Variants in DLGAP1 observed in about 807,000 individuals in gnomAD.
The protein encoded by DLGAP1 is disks large-associated protein 1.
Under a neutral mutation model 90.8 loss-of-function variants are expected in DLGAP1, and 11 were observed. The ratio of observed to expected loss-of-function variants is 0.12; its 90% CI spans 0.08 to 0.20. The LOEUF is 0.20. Ranked by LOEUF, DLGAP1 falls within the 10% of genes least tolerant of loss-of-function variation. The probability of loss-of-function intolerance (pLI) is 1.00; values close to 1 mark genes in which losing one functional copy is unlikely to be tolerated. For missense variants in DLGAP1, 1,050 were observed against 1,333.8 expected (o/e 0.79, Z 3.31); for synonymous variants, 558 against 540.7 (o/e 1.03, Z -0.44).
rs527766502 is a variant in DLGAP1, at chr18:4,239,606, C to T, written c.-266-88319G>A. Among the ~76,000 whole-genome samples, 163 of 152,250 alleles carry T rather than the reference C, an allele frequency of 1.1e-3. 1 individual carries two copies. In the Middle Eastern group the frequency reaches 0.02, roughly 19 times the overall value. ...GTCTCACATTATAAAAATTAGCCCACATTCATGTGATATTCAGGGTAAGTG... is the reference window on the plus strand; with the variant it reads ...GTCTCACATTATAAAAATTAGCCCATATTCATGTGATATTCAGGGTAAGTG... On this transcript the variant is annotated intron_variant, in intron 1 of 12. Transcript: ENST00000315677.
At chr18:4,393,983 G>A (rs942820729) in intron 1 of DLGAP1, among the ~76,000 whole-genome samples, 12 of 152,168 alleles carry the variant, frequency 7.9e-5, no homozygotes, top group African/African-American at 2.9e-4. Flanking sequence ...TTCCTGCTGT[G>A]CGGCCAGGTT....
chr18:4,381,973 A>C (rs541219867), intron 1 of DLGAP1, among the ~76,000 whole-genome samples: 8 of 152,246 alleles, frequency 5.3e-5, no homozygotes, highest in Non-Finnish European at 1.5e-5. Context: ...AAGTGAAAGG[A>C]GAAACTTCTT....
Position 3,499,478 on chromosome 18 carries a change from A to C in DLGAP1, c.2725-84T>G, listed in dbSNP as rs2049814822. 7.0e-7 allele frequency: 1 copy of C among 1,430,358 alleles called. No homozygotes were observed. The highest frequency in any genetic ancestry group is 9.5e-7 in the Non-Finnish European group (1 of 1,055,398). The allele number at this position is 1,430,358 out of a possible 1,614,324, so 88.6% of individuals were successfully genotyped here. On this transcript the variant is annotated intron_variant, in intron 12 of 12. Coordinates refer to ENST00000315677, the MANE Select transcript of DLGAP1 (RefSeq NM_004746.4). The surrounding 1 kb of genome is among the most constrained non-coding windows in gnomAD (Gnocchi z 6.4). ...ACTGGGATAGGTCAGTAGTTAGAAC[A>C]CACAGTTTTTTACCTAGGGGTGGTT...
intron 5 of DLGAP1, among the ~76,000 whole-genome samples, chr18:3,799,446 T>C (rs1444652772): frequency 2.0e-5 from 3 of 151,996 alleles, no homozygotes; most frequent in Non-Finnish European, 4.4e-5. Context: ...TCCAGTGGTA[T>C]TGAGGGTGAC....
chr18:3,546,755 T>C (rs1376638606), intron 9 of DLGAP1, among the ~76,000 whole-genome samples: 1 of 152,000 alleles, frequency 6.6e-6, no homozygotes, highest in Non-Finnish European at 1.5e-5. Flanking sequence ...GTAGACACCA[T>C]TAGTCAAAAA....
chr18:3,974,901 A>T (rs2073537547), intron 3 of DLGAP1, among the ~76,000 whole-genome samples: 1 of 152,190 alleles, frequency 6.6e-6, no homozygotes, highest in Admixed American at 6.5e-5. Context: ...ACATAAAAAA[A>T]AAATAAAAAT....
chr18:3,677,440 C>T (rs1029187208), intron 7 of DLGAP1, among the ~76,000 whole-genome samples: 4 of 152,206 alleles, frequency 2.6e-5, no homozygotes, highest in Non-Finnish European at 5.9e-5. Context: ...CTCTTCCCTA[C>T]CAGTTATATC....
chr18:3,834,892 C>G (rs1455999316), intron 4 of DLGAP1, among the ~76,000 whole-genome samples: 1 of 152,168 alleles, frequency 6.6e-6, no homozygotes, highest in Non-Finnish European at 1.5e-5. Context: ...CATTATCTCA[C>G]CTTAAAGATA....
intron 5 of DLGAP1, among the ~76,000 whole-genome samples, chr18:3,778,420 G>A (rs2065031639): frequency 6.6e-6 from 1 of 151,692 alleles, no homozygotes; most frequent in Non-Finnish European, 1.5e-5. Context: ...CAGCCTGGGC[G>A]ACAAGAGCAA....
intron 7 of DLGAP1, chr18:3,596,722 G>A: frequency 2.3e-6 from 1 of 443,874 alleles, no homozygotes; most frequent in Non-Finnish European, 4.4e-6. Context: ...GAACAGGGAT[G>A]AGAAGAGACT....
chr18:4,396,916 C>G (rs2144492298), intron 1 of DLGAP1, among the ~76,000 whole-genome samples: 1 of 152,200 alleles, frequency 6.6e-6, no homozygotes, highest in East Asian at 1.9e-4. Flanking sequence ...ATCATTTGTA[C>G]AATAAAATCA....
At position 3,990,393 on chromosome 18, in the gene DLGAP1, C is replaced by T. The variant is rs1489300245; in HGVS notation, c.-73+14723G>A. On this transcript the variant is annotated intron_variant, in intron 3 of 12. Coordinates refer to ENST00000315677, the MANE Select transcript of DLGAP1 (RefSeq NM_004746.4). Reference sequence around the variant, plus strand: ...AAAACTATCACAAGGACAAAAAAACCAAACACCACATGTTCTCACTCATAG... The same window carrying T: ...AAAACTATCACAAGGACAAAAAAACTAAACACCACATGTTCTCACTCATAG... 2.0e-5 allele frequency among the ~76,000 whole-genome samples: 3 copies of T among 149,268 alleles called. No homozygotes were observed. The Admixed American group carries it at 2.0e-4, about 10-fold the overall frequency.
At chr18:4,090,893 C>G (rs2075764345) in intron 2 of DLGAP1, among the ~76,000 whole-genome samples, 1 of 152,148 alleles carries the variant, frequency 6.6e-6, no homozygotes, top group African/African-American at 2.4e-5. Flanking sequence ...ACATATACAC[C>G]ATGGAATACT....
intron 1 of DLGAP1, among the ~76,000 whole-genome samples, chr18:4,389,102 G>A (rs750589448): frequency 1.3e-5 from 2 of 152,146 alleles, no homozygotes; most frequent in Non-Finnish European, 2.9e-5. Context: ...AAAAGTGGAA[G>A]CAACACAACT....
At chr18:4,031,978 G>A (rs1214192631) in intron 2 of DLGAP1, among the ~76,000 whole-genome samples, 1 of 152,114 alleles carries the variant, frequency 6.6e-6, no homozygotes, top group Non-Finnish European at 1.5e-5. Flanking sequence ...AGATAAACAA[G>A]GTAGCATTAT....
At chr18:4,110,853 G>A (rs1319641016) in intron 2 of DLGAP1, among the ~76,000 whole-genome samples, 1 of 152,114 alleles carries the variant, frequency 6.6e-6, no homozygotes, top group Non-Finnish European at 1.5e-5. Flanking sequence ...TGCTCAGAAA[G>A]TCCCCTGAGA....
intron 1 of DLGAP1, among the ~76,000 whole-genome samples, chr18:4,287,900 A>T (rs1190059027): frequency 1.3e-5 from 2 of 151,836 alleles, no homozygotes; most frequent in Non-Finnish European, 2.9e-5. Context: ...TAAAAAGAAA[A>T]AAAAAGAGCG....
chr18:3,761,162 C>A, intron 5 of DLGAP1, among the ~76,000 whole-genome samples: 1 of 152,122 alleles, frequency 6.6e-6, no homozygotes, highest in East Asian at 1.9e-4. Flanking sequence ...CATTTTTGTG[C>A]AATCACTGCC....
intron 1 of DLGAP1, among the ~76,000 whole-genome samples, chr18:4,268,349 G>T (rs1390597648): frequency 6.6e-6 from 1 of 152,138 alleles, no homozygotes; most frequent in Non-Finnish European, 1.5e-5. Context: ...ATTCTACAGT[G>T]TAGTTAAATA....
Sources: allele counts gnomAD v4.1 joint callset (sites outside exome capture counted in the v4.1 genomes callset), GRCh38; gene constraint gnomAD v4.1.1; non-coding constraint Gnocchi (gnomAD v3.1); transcripts MANE v1.5; gene names NCBI Gene and HGNC (gene_info 2026-07-23, HGNC 2026-07-21).